The following MSN variants were observed in gnomAD, a reference collection of about 807,000 sequenced individuals.
MSN encodes moesin, also known as epididymis luminal protein 70.
In MSN, 2 loss-of-function variants were observed where a neutral mutation model predicts 48.0. The observed-to-expected ratio is 0.04, with a 90% CI of 0.02 to 0.13. MSN has a LOEUF of 0.13. Ranked by LOEUF, MSN falls within the 10% of genes least tolerant of loss-of-function variation. MSN has a pLI of 1.00. For synonymous variants in MSN, 146 were observed against 166.9 expected (o/e 0.87, Z 0.97); for missense variants, 267 against 470.1 (o/e 0.57, Z 3.99).
intron 1 of MSN, among the ~76,000 whole-genome samples, chrX:65,649,013 A>T (rs2070718053): frequency 9.0e-6 from 1 of 110,711 alleles, no homozygotes; most frequent in Non-Finnish European, 1.9e-5. Flanking sequence ...GTAAGTGGCC[A>T]AGTGAACACC....
At chrX:65,695,669 G>T (rs758503422) in intron 1 of MSN, among the ~76,000 whole-genome samples, 3 of 110,593 alleles carry the variant, frequency 2.7e-5, no homozygotes, top group Non-Finnish European at 5.7e-5. Flanking sequence ...AACATAATCA[G>T]CTTCTTATCT....
chrX:65,620,031 G>A (rs977069118), intron 1 of MSN, among the ~76,000 whole-genome samples: 1 of 111,894 alleles, frequency 8.9e-6, no homozygotes, highest in African/African-American at 3.2e-5. Context: ...GGGATCAGGG[G>A]TCAGGGACCC....
In MSN at chrX:65,739,916, C is replaced by T; in HGVS notation, c.*23C>T. ...TAATGGGCACCCAGCCTCTAGGGACCCCTCCTCCCTTTTTCCTTGTCCCCA... is the reference window on the plus strand; with the variant it reads ...TAATGGGCACCCAGCCTCTAGGGACTCCTCCTCCCTTTTTCCTTGTCCCCA... On this transcript the variant is annotated 3_prime_UTR_variant, in exon 13 of 13. Transcript: ENST00000360270. 1 of 1,193,387 alleles carries T rather than the reference C, an allele frequency of 8.4e-7. No individual in the cohort carries two copies. The highest frequency in any genetic ancestry group is 1.1e-6 in the Non-Finnish European group (1 of 885,143).
intron 1 of MSN, among the ~76,000 whole-genome samples, chrX:65,690,635 A>T (rs1321626132): frequency 9.0e-6 from 1 of 111,645 alleles, no homozygotes; most frequent in Non-Finnish European, 1.9e-5. Context: ...GGACCTGGTG[A>T]CTTCACTCCT....
At chrX:65,641,794 C>T (rs752297648) in intron 1 of MSN, among the ~76,000 whole-genome samples, 1 of 105,817 alleles carries the variant, frequency 9.5e-6, no homozygotes, top group African/African-American at 3.4e-5. Flanking sequence ...GAAATATATG[C>T]CTAAGGTTAT....
At chrX:65,615,823 G>C (rs1352337197) in intron 1 of MSN, among the ~76,000 whole-genome samples, 1 of 111,636 alleles carries the variant, frequency 9.0e-6, no homozygotes, top group Non-Finnish European at 1.9e-5. Context: ...TTCTTCTAGG[G>C]TTTTTGTGGT....
chrX:65,639,033 T>A (rs1167017548), intron 1 of MSN, among the ~76,000 whole-genome samples: 2 of 112,725 alleles, frequency 1.8e-5, no homozygotes, highest in Non-Finnish European at 3.7e-5. Flanking sequence ...TTGTGGACCT[T>A]TAGATATCTC....
chrX:65,643,647 A>G (rs1260417794), intron 1 of MSN, among the ~76,000 whole-genome samples: 1 of 111,921 alleles, frequency 8.9e-6, no homozygotes, highest in Non-Finnish European at 1.9e-5. Context: ...AGTGATTCTA[A>G]TGTGCAGCCA....
intron 1 of MSN, among the ~76,000 whole-genome samples, chrX:65,616,093 G>A (rs1367017018): frequency 3.0e-4 from 34 of 111,627 alleles, no homozygotes; most frequent in Non-Finnish European, 5.8e-4. Flanking sequence ...GTACCATGCT[G>A]TTTTGGTTAC....
intron 1 of MSN, among the ~76,000 whole-genome samples, chrX:65,672,381 A>G (rs76680105): frequency 1.8e-5 from 2 of 112,309 alleles, no homozygotes; most frequent in Non-Finnish European, 3.8e-5. Context: ...TGCAAAAAGG[A>G]AAAAACAGGG....
At chrX:65,727,277 G>A (rs1357566268) in intron 2 of MSN, among the ~76,000 whole-genome samples, 1 of 111,897 alleles carries the variant, frequency 8.9e-6, no homozygotes, top group Non-Finnish European at 1.9e-5. Context: ...AGTGGCCCAA[G>A]AGAACAAGAT....
intron 7 of MSN, 44 bp downstream of exon 7, chrX:65,733,324 C>A (rs370619082): frequency 1.0e-6 from 1 of 1,001,179 alleles, no homozygotes; most frequent in African/African-American, 1.9e-5. Flanking sequence ...CTTGCCAAGG[C>A]CTGCATAATG....
At chrX:65,649,475 C>T (rs1430823749) in intron 1 of MSN, among the ~76,000 whole-genome samples, 1 of 101,072 alleles carries the variant, frequency 9.9e-6, no homozygotes, top group African/African-American at 3.6e-5. Context: ...CCTTGGGAGG[C>T]TGAGGCAGGA....
chrX:65,664,617 C>T (rs2070852486), upstream of MSN, among the ~76,000 whole-genome samples: 1 of 109,194 alleles, frequency 9.2e-6, no homozygotes, highest in Non-Finnish European at 1.9e-5. Context: ...ATAGTTTATG[C>T]TCTCTCTCTA....
At chrX:65,711,417 A>T (rs1464666973) in intron 1 of MSN, among the ~76,000 whole-genome samples, 3 of 110,954 alleles carry the variant, frequency 2.7e-5, no homozygotes, top group Non-Finnish European at 5.7e-5. Flanking sequence ...GCTGGTCTCG[A>T]ACTCCTGACC....
rs887427466 is a variant in MSN, at chrX:65,590,941, C to T, written c.-22+2329C>T. Among the ~76,000 whole-genome samples the T allele has an allele frequency of 5.4e-5, 6 of 111,376 alleles. No individual in the cohort carries two copies. In the East Asian group the frequency reaches 1.4e-3, roughly 26 times the overall value. ...CTCTTTGCCTGGACCATTTCCTGCC[C>T]GAATAAGGTGTGCTTCCTGTGTAGC... On this transcript the variant is annotated intron_variant, in intron 1 of 3. Transcript: ENST00000609672.
At chrX:65,622,091 CTTTTCTT>C (rs2070452176) in intron 1 of MSN, among the ~76,000 whole-genome samples, 2 of 96,189 alleles carry the variant, frequency 2.1e-5, no homozygotes, top group African/African-American at 8.9e-5. Flanking sequence ...TTCTTCTTTT[CTTTTCTT>C]TTTTTTTTTT....
chrX:65,658,428 T>G (rs1050144260), intron 1 of MSN, among the ~76,000 whole-genome samples: 3 of 111,873 alleles, frequency 2.7e-5, no homozygotes, highest in African/African-American at 9.8e-5. Context: ...GGGGCTTAGT[T>G]AATTCTTCCT....
intron 1 of MSN, among the ~76,000 whole-genome samples, chrX:65,705,129 G>T (rs1002491907): frequency 1.8e-5 from 2 of 111,164 alleles, no homozygotes; most frequent in African/African-American, 6.6e-5. Flanking sequence ...GTGGCTCTGG[G>T]CCAGTGCCTA....
Sources: gnomAD v4.1 joint callset for allele counts (sites outside exome capture counted in the v4.1 genomes callset) on GRCh38, gnomAD v4.1.1 for gene constraint, MANE v1.5 for transcripts, NCBI Gene and HGNC (gene_info 2026-07-23, HGNC 2026-07-21) for gene names.